C1QC: variants seen among roughly 807,000 people sequenced by gnomAD.
C1QC encodes complement C1q subcomponent subunit C.
A neutral mutation model predicts 5.9 loss-of-function variants in C1QC; 4 were observed. That is an observed-to-expected ratio of 0.68 (90% CI 0.33 to 1.55). C1QC has a LOEUF of 1.55. C1QC is among the 40% of genes most tolerant of loss of function. The probability of loss-of-function intolerance (pLI) is 0.06; values close to 1 mark genes in which losing one functional copy is unlikely to be tolerated. For missense variants in C1QC, 299 were observed against 326.9 expected, an observed-to-expected ratio of 0.91 and a Z score of 0.66; for synonymous variants, 166 against 153.8, an observed-to-expected ratio of 1.08 and a Z score of -0.59.
chr1:22,643,910 A>C, intron 1 of C1QC, 101 bp from the exon 2 acceptor site: 1 of 1,418,822 alleles, frequency 7.0e-7, no homozygotes, highest in African/African-American at 1.4e-5. Context: ...GGGAGGAAGG[A>C]AGGCGAGCTC....
chr1:22,645,464 A>G (rs1642352636), intron 2 of C1QC, among the ~76,000 whole-genome samples: 1 of 152,212 alleles, frequency 6.6e-6, no homozygotes, highest in Admixed American at 6.5e-5. Context: ...CAACTTGTCC[A>G]AAGTCACACA....
chr1:22,644,282 C>T (rs1219118137), intron 2 of C1QC, 78 bp downstream of exon 2: 9 of 1,433,992 alleles, frequency 6.3e-6, no homozygotes, highest in South Asian at 2.9e-5. Flanking sequence ...ACCAAGGGGG[C>T]GGGGGACAGC....
Position 22,647,789 on chromosome 1 carries a change from G to A in C1QC, c.*6G>A. ...TCCTGCTCTTCCCCGACTAGGGCGG[G>A]CAGATGCGCTCGAGCCCCACGGGCC... On this transcript the variant is annotated 3_prime_UTR_variant, in exon 3 of 3. Transcript: ENST00000374640. 1 of 1,599,536 alleles carries A rather than the reference G, an allele frequency of 6.3e-7. No individual in the cohort carries two copies. The highest frequency in any genetic ancestry group is 8.5e-7 in the Non-Finnish European group (1 of 1,179,936).
chr1:22,643,975 G>T, intron 1 of C1QC, 36 bp from the exon 2 acceptor site: 1 of 1,571,200 alleles, frequency 6.4e-7, no homozygotes, highest in Non-Finnish European at 8.6e-7. Context: ...GGCAGGTGAG[G>T]GGCTGGCGGG....
In C1QC at chr1:22,643,721, C is replaced by A; in HGVS notation, c.-14+7C>A. On this transcript the variant is annotated splice_region_variant and intron_variant, in intron 1 of 2. Coordinates refer to ENST00000374640, the MANE Select transcript of C1QC (RefSeq NM_172369.5). ...AGAAACCGCCCACCTGCAGGTGAGG[C>A]CCGGACCCCTGCCCAGGTATGGGCA... 1 of 1,238,672 alleles carries A rather than the reference C, an allele frequency of 8.1e-7. No homozygotes were observed. The highest frequency in any genetic ancestry group is 1.0e-6 in the Non-Finnish European group (1 of 988,988). 76.7% of individuals were successfully genotyped at this position (1,238,672 alleles called of 1,614,324 possible). A position where few individuals can be genotyped will look rare whatever the true frequency, so the allele number is the denominator to read the frequency against.
At position 22,647,390 on chromosome 1, in the gene C1QC, G is replaced by A. The variant is rs1465663527; in HGVS notation, c.345G>A (p.Lys115=). Residue 115 remains lysine, a synonymous_variant, in exon 3 of 3, where the codon AAG becomes AAA. Transcript: ENST00000374640. ...PGEPGEEGRY[K]QKFQSVFTVT... is the part of the protein sequence containing the mutation. ...AGCCAGGTGAGGAGGGCAGATACAA[G>A]CAGAAATTCCAGTCAGTGTTCACGG... 8 of 1,614,058 alleles carry A rather than the reference G, an allele frequency of 5.0e-6. No homozygotes were observed. Among genetic ancestry groups the A allele is most frequent in the Non-Finnish European group, 5.9e-6 (7 of 1,180,010 alleles).
rs1570086224 is a variant in C1QC at position 22,647,758 on chromosome 1, C to G, written c.713C>G (p.Ser238Cys). The change falls in exon 3 of 3, where the codon TCC (serine) becomes TGC (cysteine). Residue 238 changes from serine to cysteine, a missense_variant. This residue lies in a region of C1QC where 144 missense variants were observed against 155.1 expected (regional missense o/e 0.93). Coordinates refer to ENST00000374640, the MANE Select transcript of C1QC (RefSeq NM_172369.5). ...VGIQGSDSVF[S>C]GFLLFPD Reference sequence around the variant, plus strand: ...ATCCAGGGCTCTGACAGCGTCTTCTCCGGCTTCCTGCTCTTCCCCGACTAG... The same window carrying G: ...ATCCAGGGCTCTGACAGCGTCTTCTGCGGCTTCCTGCTCTTCCCCGACTAG... 1 of 1,600,014 alleles carries G rather than the reference C, an allele frequency of 6.2e-7. No homozygotes were observed.
chr1:22,645,506 T>G (rs1642353609), intron 2 of C1QC, among the ~76,000 whole-genome samples: 1 of 152,132 alleles, frequency 6.6e-6, no homozygotes, highest in African/African-American at 2.4e-5. Context: ...AAGTCCACAT[T>G]CTCCACCACT....
rs771463797 is a variant in C1QC at position 22,647,267 on chromosome 1, G to A, written c.222G>A (p.Gln74=). Residue 74 remains glutamine, a synonymous_variant, in exon 3 of 3, where the codon CAG becomes CAA. Coordinates refer to ENST00000374640, the MANE Select transcript of C1QC (RefSeq NM_172369.5). ...CCGGGATCCGAGGACCCAAAGGGCA[G>A]AAGGGAGAACCCGGCTTACCCGGCC... ...AIPGIRGPKG[Q]KGEPGLPGHP... is the part of the protein sequence containing the mutation. 11 of 1,611,062 alleles carry A rather than the reference G, an allele frequency of 6.8e-6. No homozygotes were observed. The East Asian group carries it at 2.5e-4, about 36-fold the overall frequency.
intron 2 of C1QC, among the ~76,000 whole-genome samples, chr1:22,646,758 A>AT (rs1286987903): frequency 2.6e-5 from 4 of 152,220 alleles, no homozygotes; most frequent in Admixed American, 6.5e-5. Context: ...CAACCTTCTG[A>AT]TTTTTTGTCA....
In C1QC at chr1:22,647,510, TG is replaced by T; in HGVS notation, c.467del (p.Gly156AlafsTer54). On this transcript the variant is annotated frameshift_variant, in exon 3 of 3. Coordinates refer to ENST00000374640, the MANE Select transcript of C1QC (RefSeq NM_172369.5). LOFTEE classifies it low-confidence loss of function (END_TRUNC). ...NPQGDYDTST[G>X]KFTCKVPGLY... ...CGCAGGGAGATTATGACACGAGCAC[TG>T]GCAAGTTCACCTGCAAAGTCCCCGG... 1 of 1,614,216 alleles carries T rather than the reference TG, an allele frequency of 6.2e-7. No homozygotes were observed. Among genetic ancestry groups the T allele is most frequent in the Non-Finnish European group, 8.5e-7 (1 of 1,180,044 alleles).
At position 22,647,591 on chromosome 1, in the gene C1QC, G is replaced by A. The variant is rs755640714; in HGVS notation, c.546G>A (p.Leu182=). ...ASHTANLCVL[L]YRSGVKVVTF... ...ATACAGCCAACCTGTGCGTGCTGCT[G>A]TACCGCAGCGGCGTCAAAGTGGTCA... The change falls in exon 3 of 3, where the codon CTG becomes CTA. Residue 182 remains leucine, a synonymous_variant. Coordinates refer to ENST00000374640, the MANE Select transcript of C1QC (RefSeq NM_172369.5). 5 of 1,614,108 alleles carry A rather than the reference G, an allele frequency of 3.1e-6. No individual in the cohort carries two copies. In the African/African-American group the frequency reaches 4.0e-5, roughly 13 times the overall value.
intron 2 of C1QC, 61 bp from the exon 3 acceptor site, chr1:22,647,166 T>C: frequency 6.3e-7 from 1 of 1,578,126 alleles, no homozygotes; most frequent in Non-Finnish European, 8.6e-7. Flanking sequence ...GAAGACACCC[T>C]CAGGGTCCCT....
intron 2 of C1QC, among the ~76,000 whole-genome samples, chr1:22,644,658 C>G (rs746637104): frequency 1.3e-5 from 2 of 152,214 alleles, no homozygotes; most frequent in Admixed American, 6.5e-5. Flanking sequence ...CTTAACCTCG[C>G]AGTGCCTCAG....
At chr1:22,647,180 C>G in intron 2 of C1QC, 47 bp from the exon 3 acceptor site, 1 of 1,594,958 alleles carries the variant, frequency 6.3e-7, no homozygotes, top group Non-Finnish European at 8.5e-7. Context: ...GGTCCCTCCT[C>G]CCTGTCCCCC....
Position 22,644,577 on chromosome 1 carries a change from T to C in C1QC, c.181+373T>C, listed in dbSNP as rs1196525842. On this transcript the variant is annotated intron_variant, in intron 2 of 2. Transcript: ENST00000374640. The stretch of plus-strand genomic sequence containing the variant: ...AGCTGGGGCCCACACAGTGAATATA[T>C]CCAATGCACGACTGCCAGGGTTCAA... Among the ~76,000 whole-genome samples the C allele has an allele frequency of 2.0e-5, 3 of 152,160 alleles. 1 individual carries two copies. The highest frequency in any genetic ancestry group is 6.5e-5 in the Admixed American group (1 of 15,278).
At position 22,644,082 on chromosome 1, in the gene C1QC, T is replaced by C; in HGVS notation, c.59T>C (p.Leu20Pro). ...GGGCTGAAGCTGCTGCTGCTCCTGCTGCTGCTGCCCCTCAGGGGCCAAGCC... is the reference window on the plus strand; with the variant it reads ...GGGCTGAAGCTGCTGCTGCTCCTGCCGCTGCTGCCCCTCAGGGGCCAAGCC... Reference protein sequence around the residue: ...HLGLKLLLLLLLLPLRGQANT... With the variant: ...HLGLKLLLLLPLLPLRGQANT... Residue 20 changes from leucine (L) to proline (P), a missense_variant, in exon 2 of 3, where the codon CTG becomes CCG. Leu to Pro is a moderately conservative substitution (Grantham distance 98). This residue lies in a region of C1QC where 146 missense variants were observed against 144.1 expected (regional missense o/e 1.01). Coordinates refer to ENST00000374640, the MANE Select transcript of C1QC (RefSeq NM_172369.5). 1.3e-6 allele frequency: 2 copies of C among 1,580,660 alleles called. No homozygotes were observed. The highest frequency in any genetic ancestry group is 1.7e-6 in the Non-Finnish European group (2 of 1,164,262).
In C1QC at chr1:22,648,035, C is replaced by A; in HGVS notation, c.*252C>A. The A allele has an allele frequency of 2.3e-6, 1 of 432,334 alleles. No individual in the cohort carries two copies. The allele number at this position is 432,334 out of a possible 1,614,324, so 26.8% of individuals were successfully genotyped here. On this transcript the variant is annotated 3_prime_UTR_variant, in exon 3 of 3. Transcript: ENST00000374640. Reference sequence around the variant, plus strand: ...ACTTAACCAATGCCTTCTGGTACTGCCATTCTTTTTTTTTTTTTTTTCAAG... The same window carrying A: ...ACTTAACCAATGCCTTCTGGTACTGACATTCTTTTTTTTTTTTTTTTCAAG...
chr1:22,644,324 C>T, intron 2 of C1QC, 120 bp downstream of exon 2: 2 of 1,322,966 alleles, frequency 1.5e-6, no homozygotes, highest in South Asian at 1.5e-5. Context: ...CACGCCTGCC[C>T]CAGGGCAGAG....
Sources: allele counts gnomAD v4.1 joint callset (sites outside exome capture counted in the v4.1 genomes callset), GRCh38; gene constraint gnomAD v4.1.1; regional missense constraint gnomAD v4.1.1; transcripts MANE v1.5; gene names NCBI Gene and HGNC (gene_info 2026-07-23, HGNC 2026-07-21).